PCDH15: variants seen among roughly 807,000 people sequenced by gnomAD.
PCDH15 encodes protocadherin related 15, also known as protocadherin-15.
Under a neutral mutation model 178.5 loss-of-function variants are expected in PCDH15, and 129 were observed. The ratio of observed to expected loss-of-function variants is 0.72; its 90% CI spans 0.63 to 0.84. PCDH15 has a LOEUF of 0.84. Ranked by LOEUF, PCDH15 falls within the 40% of genes least tolerant of loss-of-function variation. The pLI is 0.00. For missense variants in PCDH15, 2,230 were observed against 2,099.9 expected (o/e 1.06, Z -1.21); for synonymous variants, 800 against 732.0 (o/e 1.09, Z -1.50).
At chr10:55,608,017 G>A (rs1041591318) in intron 2 of PCDH15, among the ~76,000 whole-genome samples, 16 of 151,942 alleles carry the variant, frequency 1.1e-4, no homozygotes, top group South Asian at 2.1e-4. Context: ...AAGCAAAAGC[G>A]CCTACTGGTC....
At chr10:55,569,841 T>A (rs188630878) in intron 2 of PCDH15, among the ~76,000 whole-genome samples, 8 of 152,158 alleles carry the variant, frequency 5.3e-5, no homozygotes, top group African/African-American at 1.7e-4. Context: ...CTATACATCA[T>A]CACCCTAATG....
At chr10:55,201,710 T>C (rs773709895) in intron 1 of PCDH15, among the ~76,000 whole-genome samples, 1 of 152,182 alleles carries the variant, frequency 6.6e-6, no homozygotes, top group Non-Finnish European at 1.5e-5. Flanking sequence ...AAATAGATTA[T>C]CAGATGAGTT....
intron 32 of PCDH15, among the ~76,000 whole-genome samples, chr10:53,824,881 T>TTTAAAAAAATTAA (rs2076573853): frequency 6.6e-6 from 1 of 152,000 alleles, no homozygotes; most frequent in South Asian, 2.1e-4. Context: ...TAAAAACTAA[T>TTTAAAAAAATTAA]TTAAAAAAAT....
chr10:54,491,633 C>T (rs1192534977), intron 3 of PCDH15, among the ~76,000 whole-genome samples: 2 of 151,930 alleles, frequency 1.3e-5, no homozygotes, highest in Admixed American at 1.3e-4. Flanking sequence ...GTTGGAACCC[C>T]TTATATCATT....
At chr10:54,374,195 T>C (rs1948085181) in intron 4 of PCDH15, among the ~76,000 whole-genome samples, 1 of 152,026 alleles carries the variant, frequency 6.6e-6, no homozygotes, top group Non-Finnish European at 1.5e-5. Flanking sequence ...ACTAAAGTTA[T>C]GTTGACTGAT....
intron 14 of PCDH15, among the ~76,000 whole-genome samples, chr10:54,141,874 G>T (rs1272617486): frequency 2.0e-5 from 3 of 152,124 alleles, no homozygotes; most frequent in Non-Finnish European, 4.4e-5. Context: ...GTGTGATGAT[G>T]CTCTTTTAAG....
At chr10:55,098,127 A>T (rs1842487417) in intron 2 of PCDH15, among the ~76,000 whole-genome samples, 1 of 152,168 alleles carries the variant, frequency 6.6e-6, no homozygotes, top group Admixed American at 6.5e-5. Context: ...TTATTTAACA[A>T]AGTCATATAT....
At chr10:54,108,588 G>C (rs1482699451) in intron 15 of PCDH15, among the ~76,000 whole-genome samples, 4 of 152,120 alleles carry the variant, frequency 2.6e-5, no homozygotes, top group East Asian at 3.9e-4. Context: ...TCCTATGCAA[G>C]TACTAGTGCT....
intron 3 of PCDH15, among the ~76,000 whole-genome samples, chr10:54,409,216 G>A (rs150776536): frequency 3.9e-5 from 6 of 152,046 alleles, no homozygotes; most frequent in South Asian, 2.1e-4. Context: ...TTTGTAAATC[G>A]TCCAGTCTCA....
intron 3 of PCDH15, among the ~76,000 whole-genome samples, chr10:54,484,558 T>C (rs1021743917): frequency 1.3e-5 from 2 of 151,852 alleles, no homozygotes; most frequent in Admixed American, 1.3e-4. Context: ...CAAGAAGACA[T>C]AGAGCATAGG....
intron 6 of PCDH15, among the ~76,000 whole-genome samples, chr10:54,340,983 T>TA (rs1042150066): frequency 1.3e-5 from 2 of 152,206 alleles, no homozygotes; most frequent in Non-Finnish European, 2.9e-5. Flanking sequence ...GCCCAACTTC[T>TA]AAGCTCTTAT....
chr10:55,359,747 T>C (rs200146678), intron 2 of PCDH15, among the ~76,000 whole-genome samples: 3,807 of 81,474 alleles, frequency 0.047, 64 homozygotes, highest in Non-Finnish European at 0.052. Context: ...TATATATATA[T>C]ACACACACAC....
At chr10:55,014,589 T>C (rs866881216) in intron 2 of PCDH15, among the ~76,000 whole-genome samples, 20 of 152,146 alleles carry the variant, frequency 1.3e-4, no homozygotes, top group African/African-American at 4.3e-4. Context: ...TAAAAATATA[T>C]TTTAGAAAGA....
chr10:54,167,004 T>C (rs564424103), intron 13 of PCDH15, among the ~76,000 whole-genome samples: 24 of 152,280 alleles, frequency 1.6e-4, no homozygotes, highest in African/African-American at 3.8e-4. Context: ...TAAAACGGCC[T>C]CACCCTTATC....
chr10:54,647,815 C>T (rs916306491), intron 2 of PCDH15, among the ~76,000 whole-genome samples: 2 of 152,096 alleles, frequency 1.3e-5, no homozygotes, highest in Non-Finnish European at 2.9e-5. Context: ...GTAGCCCTCT[C>T]ACTAGTGGTG....
At chr10:54,532,398 T>G (rs772741469) in intron 2 of PCDH15, among the ~76,000 whole-genome samples, 3 of 152,168 alleles carry the variant, frequency 2.0e-5, no homozygotes, top group Non-Finnish European at 2.9e-5. Context: ...GCAAAATAGT[T>G]TTTGATCCCT....
intron 2 of PCDH15, among the ~76,000 whole-genome samples, chr10:54,534,600 A>G (rs572437980): frequency 6.6e-6 from 1 of 152,332 alleles, no homozygotes; most frequent in South Asian, 2.1e-4. Context: ...CGTTATTCAG[A>G]GTAATCTAGT....
intron 13 of PCDH15, among the ~76,000 whole-genome samples, chr10:54,168,017 C>A (rs1339513961): frequency 2.0e-5 from 3 of 150,722 alleles, no homozygotes; most frequent in African/African-American, 4.9e-5. Context: ...TATAGGCAAC[C>A]TTCCACCCTC....
chr10:53,846,368 G>A (rs1265496131), intron 28 of PCDH15, among the ~76,000 whole-genome samples: 1 of 151,796 alleles, frequency 6.6e-6, no homozygotes, highest in Non-Finnish European at 1.5e-5. Context: ...TTTAGGAAAA[G>A]TTTTAAAAAC....
Sources: gnomAD v4.1 joint callset for allele counts (sites outside exome capture counted in the v4.1 genomes callset) on GRCh38, gnomAD v4.1.1 for gene constraint, MANE v1.5 for transcripts, NCBI Gene and HGNC (gene_info 2026-07-23, HGNC 2026-07-21) for gene names.